EFCAB8: variants seen among roughly 807,000 people sequenced by gnomAD.
The protein encoded by EFCAB8 is EF-hand calcium-binding domain-containing protein 8.
EFCAB8 carries 100 observed loss-of-function variants against 116.3 expected under a neutral mutation model. The ratio of observed to expected loss-of-function variants is 0.86; its 90% CI spans 0.73 to 1.02. The LOEUF (loss-of-function observed/expected upper bound fraction) is 1.02, where lower values mean the gene tolerates loss of function less well. Ranked by LOEUF, EFCAB8 falls within the 50% of genes least tolerant of loss-of-function variation. The pLI is 0.00. For missense variants in EFCAB8, 1,320 were observed against 1,416.9 expected, an observed-to-expected ratio of 0.93 and a Z score of 1.10; for synonymous variants, 558 against 567.9, an observed-to-expected ratio of 0.98 and a Z score of 0.25.
intron 15 of EFCAB8, among the ~76,000 whole-genome samples, chr20:32,910,178 T>A (rs780485689): frequency 2.0e-5 from 3 of 152,206 alleles, no homozygotes; most frequent in Non-Finnish European, 1.5e-5. Flanking sequence ...CTGAGCCTCA[T>A]GCCCTTGGCT....
At chr20:32,863,865 G>C in intron 2 of EFCAB8, 31 bp downstream of exon 2, 1 of 1,550,262 alleles carries the variant, frequency 6.5e-7, no homozygotes, top group Non-Finnish European at 8.7e-7. Flanking sequence ...AACTAATAAA[G>C]GGTGGGGCAT....
chr20:32,865,595 C>G (rs993800452), intron 2 of EFCAB8, among the ~76,000 whole-genome samples: 59 of 151,908 alleles, frequency 3.9e-4, no homozygotes, highest in Non-Finnish European at 2.1e-4. Context: ...GTCAGGAGTT[C>G]GAGGCCAGCC....
intron 3 of EFCAB8, among the ~76,000 whole-genome samples, chr20:32,870,159 T>C (rs6057662): frequency 0.38 from 58,098 of 152,012 alleles, 13,048 homozygotes; most frequent in Middle Eastern, 0.52. Context: ...TACGAACGAG[T>C]AAAGTGAGAC....
chr20:32,911,362 G>A (rs1213454075), intron 15 of EFCAB8, 118 bp from the exon 16 acceptor site: 3 of 843,242 alleles, frequency 3.6e-6, no homozygotes, highest in East Asian at 2.8e-5. Context: ...GTAGCAGGGG[G>A]CCCTGAACGT....
At chr20:32,908,774 C>T (rs908312641) in intron 14 of EFCAB8, among the ~76,000 whole-genome samples, 3 of 152,196 alleles carry the variant, frequency 2.0e-5, no homozygotes, top group East Asian at 1.9e-4. Flanking sequence ...TCTGTCCTGT[C>T]GCTATTACAT....
chr20:32,930,058 G>A (rs1034534540), intron 20 of EFCAB8, among the ~76,000 whole-genome samples: 21 of 152,206 alleles, frequency 1.4e-4, no homozygotes, highest in Middle Eastern at 3.2e-3. Flanking sequence ...TGAGTTACAG[G>A]TTGTGAAAAT....
chr20:32,889,344 T>C lies in EFCAB8; in HGVS notation c.611T>C (p.Ile204Thr). The change falls in exon 7 of 27, where the codon ATT becomes ACT. Residue 204 changes from isoleucine to threonine, a missense_variant. Coordinates refer to ENST00000400522, the MANE Select transcript of EFCAB8 (RefSeq NM_001143967.2). ...QQLYNQPMWV[I>T]DMVCLHNMNL... ...CTCTACAACCAGCCGATGTGGGTCA[T>C]TGACATGGTATGTCTGCACAATATG... 6.4e-7 allele frequency: 1 copy of C among 1,551,860 alleles called. No individual in the cohort carries two copies. The highest frequency in any genetic ancestry group is 1.4e-5 in the African/African-American group (1 of 73,176).
At chr20:32,941,273 A>G (rs926455720) in intron 22 of EFCAB8, among the ~76,000 whole-genome samples, 4 of 148,930 alleles carry the variant, frequency 2.7e-5, no homozygotes, top group Non-Finnish European at 4.5e-5. Flanking sequence ...AAAAAAAAAG[A>G]AAAAGAACAT....
At chr20:32,924,280 T>C (rs1382024673) in intron 20 of EFCAB8, among the ~76,000 whole-genome samples, 1 of 152,170 alleles carries the variant, frequency 6.6e-6, no homozygotes, top group Non-Finnish European at 1.5e-5. Flanking sequence ...CCCAGGCTAG[T>C]CTTGACCTTC....
intron 24 of EFCAB8, among the ~76,000 whole-genome samples, chr20:32,959,524 C>T (rs773245686): frequency 1.2e-4 from 19 of 152,152 alleles, no homozygotes; most frequent in East Asian, 5.8e-4. Flanking sequence ...AAAGCCAGAT[C>T]GGGTGTCAGG....
rs768210031 is a variant in EFCAB8 at position 32,876,020 on chromosome 20, G to A, written c.303G>A (p.Ser101=). 49 of 1,552,010 alleles carry A rather than the reference G, an allele frequency of 3.2e-5. No individual in the cohort carries two copies. The East Asian group carries it at 4.6e-4, about 15-fold the overall frequency. The change falls in exon 4 of 27, where the codon TCG becomes TCA. Residue 101 remains serine, a synonymous_variant. Transcript: ENST00000400522. Reference sequence around the variant, plus strand: ...AGGAGCTGTTTTTGAAGGTGGACTCGGACTGTGAAGGCTTTGTCACCTGGG... The same window carrying A: ...AGGAGCTGTTTTTGAAGGTGGACTCAGACTGTGAAGGCTTTGTCACCTGGG... ...MLKELFLKVD[S]DCEGFVTWQK...
intron 11 of EFCAB8, among the ~76,000 whole-genome samples, chr20:32,904,943 G>A (rs923763199): frequency 6.6e-6 from 1 of 152,172 alleles, no homozygotes; most frequent in African/African-American, 2.4e-5. Flanking sequence ...GAGTTTTGAA[G>A]AGTGTAGTAG....
intron 20 of EFCAB8, 61 bp downstream of exon 20, chr20:32,920,276 TG>T (rs1248135288): frequency 6.5e-7 from 1 of 1,535,110 alleles, no homozygotes; most frequent in Non-Finnish European, 8.8e-7. Context: ...CAGGATTGGG[TG>T]GTCAGGATGG....
intron 3 of EFCAB8, among the ~76,000 whole-genome samples, chr20:32,869,579 A>G (rs1050787404): frequency 2.6e-5 from 4 of 152,126 alleles, no homozygotes; most frequent in African/African-American, 9.7e-5. Context: ...TCATGTGCAC[A>G]TAGTCCTGCA....
At chr20:32,869,385 G>A (rs774107627) in intron 3 of EFCAB8, among the ~76,000 whole-genome samples, 8 of 152,082 alleles carry the variant, frequency 5.3e-5, no homozygotes, top group Non-Finnish European at 1.0e-4. Context: ...ACTGGTATGT[G>A]CCACCACGCC....
intron 13 of EFCAB8, among the ~76,000 whole-genome samples, chr20:32,907,545 C>T (rs1045726896): frequency 1.3e-5 from 2 of 152,210 alleles, no homozygotes; most frequent in African/African-American, 4.8e-5. Flanking sequence ...GCCCACAGTG[C>T]TGGGGGCCCT....
At chr20:32,948,524 AAAAGAAAG>A (rs201493711) in intron 23 of EFCAB8, among the ~76,000 whole-genome samples, 17,160 of 117,374 alleles carry the variant, frequency 0.15, 1,300 homozygotes, top group Middle Eastern at 0.18. Context: ...AAGAAAGTGA[AAAAGAAAG>A]AAAGAAAGAA....
intron 20 of EFCAB8, among the ~76,000 whole-genome samples, chr20:32,925,742 TA>T (rs1486285054): frequency 2.0e-5 from 3 of 152,222 alleles, no homozygotes; most frequent in Admixed American, 6.5e-5. Flanking sequence ...TGCTCCAAGT[TA>T]CATGAAGTTT....
At chr20:32,937,958 T>C (rs1462532719) in intron 22 of EFCAB8, among the ~76,000 whole-genome samples, 1 of 149,772 alleles carries the variant, frequency 6.7e-6, no homozygotes, top group Non-Finnish European at 1.5e-5. Context: ...TCCAAAAGAG[T>C]TCTCTATGAG....
Sources: allele counts gnomAD v4.1 joint callset (sites outside exome capture counted in the v4.1 genomes callset), GRCh38; gene constraint gnomAD v4.1.1; transcripts MANE v1.5; gene names NCBI Gene and HGNC (gene_info 2026-07-23, HGNC 2026-07-21).